The following PDZRN4 variants were observed in gnomAD, a reference collection of about 807,000 sequenced individuals.
PDZRN4 encodes the protein PDZ domain-containing RING finger protein 4.
A neutral mutation model predicts 99.0 loss-of-function variants in PDZRN4; 70 were observed. The ratio of observed to expected loss-of-function variants is 0.71; its 90% confidence interval spans 0.58 to 0.86. The LOEUF (loss-of-function observed/expected upper bound fraction) is 0.86, where lower values mean the gene tolerates loss of function less well. Among genes scored for constraint, PDZRN4 ranks in the 40% least tolerant of loss-of-function variants. The pLI is 0.00. For missense variants in PDZRN4, 1,474 were observed against 1,331.2 expected (o/e 1.11, Z -1.67); for synonymous variants, 551 against 501.6 (o/e 1.10, Z -1.32).
chr12:41,444,197 C>A (rs2058634467), intron 3 of PDZRN4, among the ~76,000 whole-genome samples: 1 of 152,090 alleles, frequency 6.6e-6, no homozygotes, highest in Non-Finnish European at 1.5e-5. Flanking sequence ...CTTGCTCCAG[C>A]TGCTGGGCGT....
intron 9 of PDZRN4, among the ~76,000 whole-genome samples, chr12:41,570,245 C>A (rs1048150910): frequency 6.6e-6 from 1 of 152,046 alleles, no homozygotes; most frequent in Admixed American, 6.6e-5. Flanking sequence ...GTCCTTTGCC[C>A]TTATAAACAA....
chr12:41,520,958 T>C (rs1422729689), intron 5 of PDZRN4, among the ~76,000 whole-genome samples: 1 of 152,276 alleles, frequency 6.6e-6, no homozygotes, highest in East Asian at 1.9e-4. Flanking sequence ...TAAATGTCCA[T>C]ATTTCATTAC....
At chr12:41,563,703 C>A in intron 8 of PDZRN4, 54 bp downstream of exon 8, 1 of 1,125,420 alleles carries the variant, frequency 8.9e-7, no homozygotes, top group Non-Finnish European at 1.3e-6. Context: ...ATTGAATTCA[C>A]TGAATGTAAA....
intron 1 of PDZRN4, among the ~76,000 whole-genome samples, chr12:41,189,912 C>G (rs76739985): frequency 6.6e-6 from 1 of 152,120 alleles, no homozygotes; most frequent in Non-Finnish European, 1.5e-5. Context: ...CTGCTGGCCC[C>G]GAACTGCGCT....
intron 3 of PDZRN4, among the ~76,000 whole-genome samples, chr12:41,403,515 A>G (rs1952320161): frequency 1.3e-5 from 2 of 152,106 alleles, no homozygotes; most frequent in Non-Finnish European, 2.9e-5. Context: ...CCTCACTCCA[A>G]GGTTTTGGAT....
At chr12:41,234,606 A>G (rs1432340787) in intron 3 of PDZRN4, among the ~76,000 whole-genome samples, 3 of 152,136 alleles carry the variant, frequency 2.0e-5, no homozygotes, top group South Asian at 4.1e-4. Flanking sequence ...TTGAGCACAT[A>G]GGAAGCTTTT....
chr12:41,504,747 G>A (rs966278425), intron 3 of PDZRN4, among the ~76,000 whole-genome samples: 1 of 152,024 alleles, frequency 6.6e-6, no homozygotes, highest in African/African-American at 2.4e-5. Context: ...GATATTCCAA[G>A]GTGTATCAAT....
chr12:41,441,654 T>A (rs1466352526), intron 3 of PDZRN4, among the ~76,000 whole-genome samples: 1 of 152,208 alleles, frequency 6.6e-6, no homozygotes, highest in Non-Finnish European at 1.5e-5. Flanking sequence ...TTGGATCTCA[T>A]ATAATCTCCC....
chr12:41,283,449 C>T (rs1951402696), intron 3 of PDZRN4, among the ~76,000 whole-genome samples: 1 of 152,170 alleles, frequency 6.6e-6, no homozygotes, highest in Admixed American at 6.5e-5. Flanking sequence ...GGAGCTGATC[C>T]CATTCCTTCT....
intron 3 of PDZRN4, among the ~76,000 whole-genome samples, chr12:41,278,202 T>A (rs1372990369): frequency 1.3e-5 from 2 of 152,228 alleles, no homozygotes; most frequent in Non-Finnish European, 2.9e-5. Context: ...GGAGGCTTTT[T>A]ATAAGGCCAT....
chr12:41,539,879 C>T (rs1019673140), intron 5 of PDZRN4, among the ~76,000 whole-genome samples: 1 of 152,088 alleles, frequency 6.6e-6, no homozygotes, highest in African/African-American at 2.4e-5. Context: ...TGTAGACCCT[C>T]CTTTTCTCAT....
At chr12:41,295,762 C>T (rs1951488949) in intron 3 of PDZRN4, among the ~76,000 whole-genome samples, 1 of 152,034 alleles carries the variant, frequency 6.6e-6, no homozygotes, top group South Asian at 2.1e-4. Flanking sequence ...ATCAGAGCAG[C>T]ACGAATTCTA....
intron 3 of PDZRN4, among the ~76,000 whole-genome samples, chr12:41,423,908 C>T (rs1356915478): frequency 1.3e-5 from 2 of 152,152 alleles, no homozygotes; most frequent in Non-Finnish European, 2.9e-5. Context: ...CTCCATCTCA[C>T]AAATGGAGAA....
intron 7 of PDZRN4, among the ~76,000 whole-genome samples, chr12:41,560,288 C>A (rs751257973): frequency 2.0e-5 from 3 of 152,056 alleles, no homozygotes; most frequent in African/African-American, 4.8e-5. Flanking sequence ...ATAGAAAAAA[C>A]CTAGATATTG....
rs1256086926 is a variant in PDZRN4, at chr12:41,189,074, G to T, written c.619G>T (p.Val207Phe). Residue 207 changes from valine to phenylalanine, a missense_variant, in exon 1 of 10, where the codon GTC (valine) becomes TTC (phenylalanine). Coordinates refer to ENST00000402685, the MANE Select transcript of PDZRN4 (RefSeq NM_001164595.2). ...TQYMAHVRNF[V>F]GDLGGGHRRD... ...ATACATGGCTCACGTCCGCAACTTC[G>T]TCGGCGACCTCGGTGGCGGCCACCG... 6.3e-7 allele frequency: 1 copy of T among 1,581,724 alleles called. No homozygotes were observed. Among genetic ancestry groups the T allele is most frequent in the Non-Finnish European group, 8.5e-7 (1 of 1,172,152 alleles).
At chr12:41,509,629 G>T (rs545831191) in intron 4 of PDZRN4, 182 bp from the exon 5 acceptor site, 2 of 410,250 alleles carry the variant, frequency 4.9e-6, no homozygotes, top group South Asian at 4.3e-5. Flanking sequence ...CAAATTGATG[G>T]ACTTCACGTA....
intron 3 of PDZRN4, among the ~76,000 whole-genome samples, chr12:41,219,760 CTT>C (rs1256258409): frequency 6.6e-6 from 1 of 152,096 alleles, no homozygotes; most frequent in Non-Finnish European, 1.5e-5. Flanking sequence ...AAAACTGAAT[CTT>C]TTTCTTTAAA....
intron 3 of PDZRN4, among the ~76,000 whole-genome samples, chr12:41,354,575 A>C (rs919207614): frequency 3.9e-5 from 6 of 152,098 alleles, no homozygotes; most frequent in Non-Finnish European, 8.8e-5. Flanking sequence ...AAGGAGAACA[A>C]GAATTATCCA....
chr12:41,513,835 G>A (rs1938349746), intron 5 of PDZRN4, among the ~76,000 whole-genome samples: 1 of 152,066 alleles, frequency 6.6e-6, no homozygotes, highest in Non-Finnish European at 1.5e-5. Context: ...ATTATCTACA[G>A]CATTTGCTGT....
Sources: allele counts gnomAD v4.1 joint callset (sites outside exome capture counted in the v4.1 genomes callset), GRCh38; gene constraint gnomAD v4.1.1; transcripts MANE v1.5; gene names NCBI Gene and HGNC (gene_info 2026-07-23, HGNC 2026-07-21).